Variants in SGK1 observed in about 807,000 individuals in gnomAD.
SGK1 encodes the protein serine/threonine-protein kinase Sgk1.
In SGK1, 26 loss-of-function variants were observed where a neutral mutation model predicts 64.2. The ratio of observed to expected loss-of-function variants is 0.40; its 90% CI spans 0.30 to 0.56. The LOEUF (loss-of-function observed/expected upper bound fraction) is 0.56, where lower values mean the gene tolerates loss of function less well. Among genes scored for constraint, SGK1 ranks in the 20% least tolerant of loss-of-function variants. The probability of loss-of-function intolerance (pLI) is 0.38; values close to 1 mark genes in which losing one functional copy is unlikely to be tolerated. For missense variants in SGK1, 519 were observed against 645.6 expected, an observed-to-expected ratio of 0.80 and a Z score of 2.12; for synonymous variants, 265 against 239.7, an observed-to-expected ratio of 1.11 and a Z score of -0.98.
intron 5 of SGK1, 71 bp downstream of exon 5, chr6:134,173,934 C>T: frequency 1.0e-6 from 1 of 999,294 alleles, no homozygotes; most frequent in Non-Finnish European, 1.5e-6. Context: ...CTATTTTAAT[C>T]CATTAATGTA....
chr6:134,173,211 A>G (rs1193214795), intron 7 of SGK1, 57 bp from the exon 8 acceptor site: 10 of 1,609,608 alleles, frequency 6.2e-6, no homozygotes, highest in Non-Finnish European at 8.5e-6. Flanking sequence ...CCAACATTCC[A>G]GAATCAAGAT....
At chr6:134,177,242 AAAAC>A (rs1775258022) in intron 3 of SGK1, among the ~76,000 whole-genome samples, 2 of 151,940 alleles carry the variant, frequency 1.3e-5, no homozygotes, top group Admixed American at 6.6e-5. Context: ...AAACAAAACA[AAAAC>A]AAAAACAAAA....
intron 3 of SGK1, among the ~76,000 whole-genome samples, chr6:134,200,114 A>G (rs1024407391): frequency 1.3e-5 from 2 of 152,224 alleles, no homozygotes; most frequent in African/African-American, 4.8e-5. Context: ...ACAAAGGTGT[A>G]CAAAAACAAA....
At chr6:134,287,795 T>C (rs1228051492) in intron 1 of SGK1, among the ~76,000 whole-genome samples, 1 of 152,146 alleles carries the variant, frequency 6.6e-6, no homozygotes, top group Non-Finnish European at 1.5e-5. Flanking sequence ...GAAAGTAATT[T>C]TGTACTATGC....
intron 2 of SGK1, among the ~76,000 whole-genome samples, chr6:134,241,812 G>T (rs1427082795): frequency 1.3e-5 from 2 of 151,798 alleles, no homozygotes; most frequent in Non-Finnish European, 2.9e-5. Context: ...AGTAGAGACG[G>T]CGTTTCACCG....
intron 1 of SGK1, among the ~76,000 whole-genome samples, chr6:134,274,782 T>G (rs1302065158): frequency 6.8e-6 from 1 of 147,048 alleles, no homozygotes; most frequent in East Asian, 2.1e-4. Flanking sequence ...GGTATTGCCC[T>G]TTTAGTCTTT....
At chr6:134,180,884 A>T (rs967849734) in intron 3 of SGK1, among the ~76,000 whole-genome samples, 7 of 152,074 alleles carry the variant, frequency 4.6e-5, no homozygotes, top group African/African-American at 1.4e-4. Flanking sequence ...AAAAAAAAAA[A>T]AAAGGACTCT....
chr6:134,267,378 A>G (rs1415548847), intron 1 of SGK1, among the ~76,000 whole-genome samples: 1 of 151,882 alleles, frequency 6.6e-6, no homozygotes, highest in Non-Finnish European at 1.5e-5. Context: ...GCTCACTTCA[A>G]CCAAGAGCTC....
At chr6:134,264,370 T>C (rs565440059) in intron 1 of SGK1, among the ~76,000 whole-genome samples, 256 of 152,092 alleles carry the variant, frequency 1.7e-3, no homozygotes, top group Admixed American at 4.9e-3. Context: ...CCGCCCACCT[T>C]GGCCTCCCAT....
intron 1 of SGK1, among the ~76,000 whole-genome samples, chr6:134,273,592 CAAAAAAAAA>C (rs58634499): frequency 6.8e-4 from 11 of 16,218 alleles, no homozygotes; most frequent in South Asian, 3.8e-3. Context: ...GACTCCGTCT[CAAAAAAAAA>C]AAAAAAAAAA....
At chr6:134,281,878 C>T (rs1369482512) in intron 1 of SGK1, among the ~76,000 whole-genome samples, 1 of 152,176 alleles carries the variant, frequency 6.6e-6, no homozygotes, top group Non-Finnish European at 1.5e-5. Flanking sequence ...TAACTATATA[C>T]TTATATACTT....
chr6:134,235,268 A>G (rs1776344278), intron 2 of SGK1, among the ~76,000 whole-genome samples: 3 of 152,284 alleles, frequency 2.0e-5, no homozygotes, highest in East Asian at 1.9e-4. Flanking sequence ...TGAAGGTGAG[A>G]GATGTGCTAT....
At chr6:134,273,463 G>A (rs1776971358) in intron 1 of SGK1, among the ~76,000 whole-genome samples, 3 of 148,876 alleles carry the variant, frequency 2.0e-5, no homozygotes, top group African/African-American at 7.3e-5. Context: ...CGTAGTGGTG[G>A]GCGCCTGTAG....
intron 2 of SGK1, among the ~76,000 whole-genome samples, chr6:134,232,422 A>AGAGG: frequency 3.3e-5 from 1 of 30,330 alleles, no homozygotes; most frequent in East Asian, 7.2e-4. Context: ...AGAGAAAGAA[A>AGAGG]GAAAGAAAGA....
Position 134,273,186 on chromosome 6 carries a change from A to G in SGK1, c.70-11038T>C, listed in dbSNP as rs909741614. Among the ~76,000 whole-genome samples the G allele has an allele frequency of 7.4e-5, 11 of 147,712 alleles. 3 individuals are homozygous for G. In the East Asian group the frequency reaches 9.7e-4, roughly 13 times the overall value. On this transcript the variant is annotated intron_variant, in intron 1 of 13. Coordinates refer to ENST00000367858, the MANE Select transcript of SGK1 (RefSeq NM_001143676.3). ...CTTGACACCAGGTGAATCCTTCACA[A>G]ATATTTGCTATTGTGGTTATGGCTT...
intron 1 of SGK1, among the ~76,000 whole-genome samples, chr6:134,274,067 G>A (rs985183137): frequency 9.2e-5 from 14 of 151,950 alleles, no homozygotes; most frequent in East Asian, 3.9e-4. Context: ...GCAGTGGTGC[G>A]ATCTTGGCTC....
rs1774946128 is a variant in SGK1, at chr6:134,169,736, T to C, written c.*532A>G. On this transcript the variant is annotated 3_prime_UTR_variant, in exon 14 of 14. Transcript: ENST00000367858. Reference sequence around the variant, plus strand: ...TTCCAAATATGGAAGAAACAAACAATGTCCCACGTTGTAGTGTCCTGCAAG... The same window carrying C: ...TTCCAAATATGGAAGAAACAAACAACGTCCCACGTTGTAGTGTCCTGCAAG... 6.6e-6 allele frequency: 1 copy of C among 152,642 alleles called. No homozygotes were observed. The highest frequency in any genetic ancestry group is 1.5e-5 in the Non-Finnish European group (1 of 68,036). The allele number at this position is 152,642 out of a possible 1,614,324, so 9.5% of individuals were successfully genotyped here.
chr6:134,202,512 G>A (rs565490842), intron 3 of SGK1, among the ~76,000 whole-genome samples: 1 of 152,094 alleles, frequency 6.6e-6, no homozygotes, highest in Admixed American at 6.5e-5. Context: ...ATGGTGGCAT[G>A]CACCTGTAAT....
At chr6:134,240,291 CAAAAAAAAAAA>C (rs148740677) in intron 2 of SGK1, among the ~76,000 whole-genome samples, 8 of 84,424 alleles carry the variant, frequency 9.5e-5, no homozygotes, top group African/African-American at 3.0e-4. Flanking sequence ...GACTCCATCT[CAAAAAAAAAAA>C]AAAAAAAAAA....
Sources: gnomAD v4.1 joint callset for allele counts (sites outside exome capture counted in the v4.1 genomes callset) on GRCh38, gnomAD v4.1.1 for gene constraint, MANE v1.5 for transcripts, NCBI Gene and HGNC (gene_info 2026-07-23, HGNC 2026-07-21) for gene names.